Variants in ERBB3 observed in about 807,000 individuals in gnomAD.
The protein encoded by ERBB3 is receptor tyrosine-protein kinase erbB-3.
ERBB3 carries 96 observed loss-of-function variants against 156.7 expected under a neutral mutation model. That is an observed-to-expected ratio of 0.61 (90% CI 0.52 to 0.73). ERBB3 has a LOEUF of 0.73. ERBB3 is among the 30% of genes least tolerant of loss of function. ERBB3 has a pLI of 0.00. For synonymous variants in ERBB3, 567 were observed against 632.0 expected, an observed-to-expected ratio of 0.90 and a Z score of 1.54; for missense variants, 1,406 against 1,709.4, an observed-to-expected ratio of 0.82 and a Z score of 3.13.
rs1869078957 is a variant in ERBB3, at chr12:56,101,102, A to G, written c.3243A>G (p.Pro1081=). Residue 1081 remains proline, a synonymous_variant, in exon 27 of 28, where the codon CCA becomes CCG. Transcript: ENST00000267101. The part of the protein sequence containing the change: ...VSGSSERCPR[P]VSLHPMPRGC... The stretch of plus-strand genomic sequence containing the variant: ...GGAGCAGTGAACGGTGCCCCCGTCC[A>G]GTCTCTCTACACCCAATGCCACGGG... 1.2e-6 allele frequency: 2 copies of G among 1,614,104 alleles called. No homozygotes were observed. The highest frequency in any genetic ancestry group is 8.5e-7 in the Non-Finnish European group (1 of 1,180,010).
chr12:56,098,452 G>T, intron 21 of ERBB3, 48 bp from the exon 22 acceptor site: 13 of 1,322,022 alleles, frequency 9.8e-6, no homozygotes, highest in Non-Finnish European at 1.4e-5. Flanking sequence ...GAAATCCTAA[G>T]AAAATTTGTG....
intron 18 of ERBB3, 40 bp downstream of exon 18, chr12:56,096,662 A>C: frequency 6.2e-7 from 1 of 1,614,176 alleles, no homozygotes; most frequent in Non-Finnish European, 8.5e-7. Flanking sequence ...TGGGGAAGGC[A>C]TCTAGGGCAA....
chr12:56,085,164 G>T lies in ERBB3; in HGVS notation c.404G>T (p.Arg135Leu). 4 of 1,614,106 alleles carry T rather than the reference G, an allele frequency of 2.5e-6. No homozygotes were observed. In the South Asian group the frequency reaches 4.4e-5, roughly 18 times the overall value. The change falls in exon 3 of 28, where the codon CGC becomes CTC. Residue 135 changes from arginine (R) to leucine (L), a missense_variant. Physicochemically the swap from Arg to Leu is moderately radical, Grantham distance 102 (BLOSUM62 -2). Around this residue, in one of 3 missense-constraint regions of ERBB3, gnomAD observed 979 missense variants for 1,219.6 expected, o/e 0.80. Transcript: ENST00000267101. ...TCCAGCCACGCTCTGCGCCAGCTCC[G>T]CTTGACTCAGCTCACCGGTCAGTTC... ...TNSSHALRQLRLTQLTEILSG... is the reference protein window; with the variant it reads ...TNSSHALRQLLLTQLTEILSG...
chr12:56,094,092 A>G lies in ERBB3; in HGVS notation c.1614-7A>G. 6.2e-7 allele frequency: 1 copy of G among 1,607,974 alleles called. No homozygotes were observed. The highest frequency in any genetic ancestry group is 1.1e-5 in the South Asian group (1 of 90,944). ...TGACCCCCCCCTCCCTTTATTCCCC[A>G]CTACAGGGAGCCTCGAGAATTTGCC... On this transcript the variant is annotated splice_polypyrimidine_tract_variant and splice_region_variant and intron_variant, in intron 13 of 27. Transcript: ENST00000267101.
intron 9 of ERBB3, among the ~76,000 whole-genome samples, chr12:56,090,807 T>G (rs1162652697): frequency 6.6e-6 from 1 of 152,182 alleles, no homozygotes; most frequent in Admixed American, 6.6e-5. Flanking sequence ...TCAGCGTATA[T>G]TCCTTAAAAA....
rs186645808 is a variant in ERBB3, at chr12:56,101,370, C to G, written c.3502+9C>G. On this transcript the variant is annotated intron_variant, in intron 27 of 27. Coordinates refer to ENST00000267101, the MANE Select transcript of ERBB3 (RefSeq NM_001982.4). Reference sequence around the variant, plus strand: ...AGATACACACCTCAAAGGTGCCTGACTCTTCCTAGGGCTTTCCTCAATTTT... The same window carrying G: ...AGATACACACCTCAAAGGTGCCTGAGTCTTCCTAGGGCTTTCCTCAATTTT... 6.2e-6 allele frequency: 10 copies of G among 1,613,454 alleles called. 1 individual carries two copies. In the South Asian group the frequency reaches 9.9e-5, roughly 16 times the overall value.
intron 20 of ERBB3, among the ~76,000 whole-genome samples, 183 bp from the exon 21 acceptor site, chr12:56,097,602 A>T (rs1868931212): frequency 6.6e-6 from 1 of 151,932 alleles, no homozygotes; most frequent in African/African-American, 2.4e-5. Flanking sequence ...GAGGTGGAAA[A>T]ATTTCATCCC....
chr12:56,092,681 T>C, intron 9 of ERBB3, 66 bp from the exon 10 acceptor site: 6 of 1,075,646 alleles, frequency 5.6e-6, no homozygotes, highest in Middle Eastern at 2.1e-4. Context: ...ATGCTGAGGC[T>C]GGGTGTGCTC....
rs773864864 is a variant in ERBB3, at chr12:56,088,604, A to G, written c.936A>G (p.Val312=). Residue 312 remains valine (V), a synonymous_variant, in exon 8 of 28, where the codon GTA becomes GTG. Transcript: ENST00000267101. ...VRACPPDKME[V]DKNGLKMCEP... ...CCTGTCCTCCTGACAAGATGGAAGT[A>G]GATAAAAATGGGCTCAAGATGTGTG... 6.2e-7 allele frequency: 1 copy of G among 1,614,180 alleles called. No individual in the cohort carries two copies. The highest frequency in any genetic ancestry group is 8.5e-7 in the Non-Finnish European group (1 of 1,180,008).
intron 3 of ERBB3, chr12:56,085,416 C>G (rs965991479): frequency 2.8e-6 from 4 of 1,430,148 alleles, no homozygotes; most frequent in Non-Finnish European, 2.7e-6. Context: ...GGAGTCAGAG[C>G]TGGATCTGTT....
rs1565854461 is a variant in ERBB3 at position 56,080,254 on chromosome 12, G to A, written c.-47G>A. ...CTTGCCTCGATGTCCTAGCCTAGGG[G>A]CCCCCGGGCCGGACTTGGCTGGGCT... On this transcript the variant is annotated 5_prime_UTR_variant, in exon 1 of 28. Coordinates refer to ENST00000267101, the MANE Select transcript of ERBB3 (RefSeq NM_001982.4). 1 of 1,475,966 alleles carries A rather than the reference G, an allele frequency of 6.8e-7. No homozygotes were observed. Among genetic ancestry groups the A allele is most frequent in the African/African-American group, 1.4e-5 (1 of 71,808 alleles). 91.4% of individuals were successfully genotyped at this position (1,475,966 alleles called of 1,614,324 possible).
chr12:56,097,917 C>A lies in ERBB3; in HGVS notation c.2593C>A (p.Gln865Lys). Residue 865 changes from glutamine to lysine, a missense_variant, in exon 21 of 28, where the codon CAG becomes AAG. By Grantham distance (53) the Gln-to-Lys change is moderately conservative (BLOSUM62 1). This residue lies in a region of ERBB3 where 979 missense variants were observed against 1,219.6 expected (regional missense o/e 0.80). Coordinates refer to ENST00000267101, the MANE Select transcript of ERBB3 (RefSeq NM_001982.4). ...VADLLPPDDK[Q>K]LLYSEAKTPI... ...TGACCTGCTGCCTCCTGATGATAAG[C>A]AGCTGCTATACAGTGAGGCCAAGGT... is the stretch of plus-strand genomic sequence containing the variant. 1 of 1,613,526 alleles carries A rather than the reference C, an allele frequency of 6.2e-7. No homozygotes were observed. The highest frequency in any genetic ancestry group is 8.5e-7 in the Non-Finnish European group (1 of 1,180,002).
chr12:56,088,967 C>A, intron 9 of ERBB3, 99 bp downstream of exon 9: 1 of 1,495,602 alleles, frequency 6.7e-7, no homozygotes, highest in Non-Finnish European at 9.3e-7. Flanking sequence ...GACTAGGAAT[C>A]AAAGTCATAA....
At chr12:56,085,269 T>C in intron 3 of ERBB3, 88 bp downstream of exon 3, 2 of 1,605,644 alleles carry the variant, frequency 1.2e-6, no homozygotes, top group South Asian at 1.1e-5. Context: ...CTGCTCACTC[T>C]AAGTGCCTCT....
intron 3 of ERBB3, chr12:56,085,553 T>A: frequency 1.6e-6 from 1 of 618,198 alleles, no homozygotes. Context: ...GAGACCAGCC[T>A]GGCCAACATG....
chr12:56,085,941 C>G (rs982229262), intron 3 of ERBB3, among the ~76,000 whole-genome samples: 1 of 151,388 alleles, frequency 6.6e-6, no homozygotes, highest in Non-Finnish European at 1.5e-5. Flanking sequence ...TGGTGGCGGG[C>G]GCCTGTAGTC....
chr12:56,098,221 G>C (rs934638964), intron 21 of ERBB3: 1 of 546,668 alleles, frequency 1.8e-6, no homozygotes, highest in Non-Finnish European at 3.2e-6. Context: ...TGGCTAGCAC[G>C]GTGAAACCCC....
Position 56,093,561 on chromosome 12 carries a change from G to A in ERBB3, c.1480+11G>A, listed in dbSNP as rs2136810302. ...CGCGCAGAGACTGCGGTGAGGGAAA[G>A]GGTCTGCTAGGTGGTGAGAATAGGG... On this transcript the variant is annotated intron_variant, in intron 12 of 27. Coordinates refer to ENST00000267101, the MANE Select transcript of ERBB3 (RefSeq NM_001982.4). 6.2e-7 allele frequency: 1 copy of A among 1,607,796 alleles called. No homozygotes were observed. The highest frequency in any genetic ancestry group is 8.5e-7 in the Non-Finnish European group (1 of 1,178,992).
In ERBB3 at chr12:56,103,412, G is replaced by A. The variant is rs917601637; in HGVS notation, c.*1357G>A. 4.6e-6 allele frequency: 1 copy of A among 215,516 alleles called. No homozygotes were observed. Among genetic ancestry groups the A allele is most frequent in the Non-Finnish European group, 9.3e-6 (1 of 107,244 alleles). The allele number at this position is 215,516 out of a possible 1,614,324, so 13.4% of individuals were successfully genotyped here. ...TCAGCTGCACACCTCTGTCCCCTTG[G>A]ATGGGGAACTAAGGGAAAACGTCTG... On this transcript the variant is annotated 3_prime_UTR_variant, in exon 28 of 28. Transcript: ENST00000267101.
Sources: allele counts gnomAD v4.1 joint callset (sites outside exome capture counted in the v4.1 genomes callset), GRCh38; gene constraint gnomAD v4.1.1; regional missense constraint gnomAD v4.1.1; transcripts MANE v1.5; gene names NCBI Gene and HGNC (gene_info 2026-07-23, HGNC 2026-07-21).